The following ZNRF2 variants were observed in gnomAD, a reference collection of about 807,000 sequenced individuals.
The protein encoded by ZNRF2 is zinc and ring finger 2, also known as E3 ubiquitin-protein ligase ZNRF2.
A neutral mutation model predicts 20.4 loss-of-function variants in ZNRF2; 16 were observed. The ratio of observed to expected loss-of-function variants is 0.79; its 90% CI spans 0.53 to 1.19. The LOEUF (loss-of-function observed/expected upper bound fraction) is 1.19, where lower values mean the gene tolerates loss of function less well. Ranked by LOEUF, ZNRF2 falls within the 50% of genes most tolerant of loss-of-function variation. The probability of loss-of-function intolerance (pLI) is 0.00; values close to 1 mark genes in which losing one functional copy is unlikely to be tolerated. For missense variants in ZNRF2, 363 were observed against 332.4 expected (o/e 1.09, Z -0.72); for synonymous variants, 178 against 144.9 (o/e 1.23, Z -1.64).
chr7:30,342,048 C>CTTTT (rs755404064), intron 2 of ZNRF2, among the ~76,000 whole-genome samples: 30 of 132,674 alleles, frequency 2.3e-4, no homozygotes, highest in African/African-American at 8.0e-4. Context: ...TCAACCCCTG[C>CTTTT]TTTTTTTTTT....
chr7:30,296,651 C>T (rs1438776867), intron 1 of ZNRF2, among the ~76,000 whole-genome samples: 1 of 152,194 alleles, frequency 6.6e-6, no homozygotes, highest in East Asian at 1.9e-4. Flanking sequence ...TATCTGGTCA[C>T]CTTGAAATCT....
chr7:30,305,795 T>A (rs548299842), intron 1 of ZNRF2, among the ~76,000 whole-genome samples: 1 of 152,284 alleles, frequency 6.6e-6, no homozygotes, highest in Admixed American at 6.5e-5. Flanking sequence ...TTTGTTTAGT[T>A]TATCCTCTGG....
chr7:30,328,143 C>A (rs1018977438), intron 2 of ZNRF2, among the ~76,000 whole-genome samples: 1 of 151,874 alleles, frequency 6.6e-6, no homozygotes, highest in Non-Finnish European at 1.5e-5. Context: ...AAAGTCAGAC[C>A]CCCCCCAAAA....
chr7:30,307,316 GTTTTTTTTTGTTT>G (rs1346119127), intron 1 of ZNRF2, among the ~76,000 whole-genome samples: 2 of 68,084 alleles, frequency 2.9e-5, no homozygotes, highest in African/African-American at 1.0e-4. Context: ...TCTTTCTGCT[GTTTTTTTTTGTTT>G]TTTTTTTTTT....
chr7:30,350,394 G>C (rs1002126138), intron 2 of ZNRF2, among the ~76,000 whole-genome samples: 1 of 151,844 alleles, frequency 6.6e-6, no homozygotes, highest in Non-Finnish European at 1.5e-5. Flanking sequence ...CATGTTTAAC[G>C]ATCAATTCTT....
chr7:30,296,088 AACT>A (rs1343104600), intron 1 of ZNRF2, among the ~76,000 whole-genome samples: 16 of 152,380 alleles, frequency 1.1e-4, no homozygotes, highest in African/African-American at 3.8e-4. Context: ...TGTATTTGAT[AACT>A]ACATTATTAT....
chr7:30,289,066 T>C (rs1798848993), intron 1 of ZNRF2: 1 of 152,214 alleles, frequency 6.6e-6, no homozygotes, highest in African/African-American at 2.4e-5. Context: ...TGGACTTCTA[T>C]AATGTATCCT....
chr7:30,350,048 G>C (rs1320589958), intron 2 of ZNRF2, among the ~76,000 whole-genome samples: 3 of 151,962 alleles, frequency 2.0e-5, no homozygotes, highest in African/African-American at 7.2e-5. Flanking sequence ...ACTACTTGTG[G>C]CTTGTTAGGT....
chr7:30,321,898 G>A (rs940597227), intron 1 of ZNRF2, among the ~76,000 whole-genome samples: 1 of 151,866 alleles, frequency 6.6e-6, no homozygotes, highest in Non-Finnish European at 1.5e-5. Flanking sequence ...TTTTAGGGGT[G>A]TCTAATCTTT....
chr7:30,299,625 G>C (rs923693264), intron 1 of ZNRF2, among the ~76,000 whole-genome samples: 1 of 151,924 alleles, frequency 6.6e-6, no homozygotes, highest in Non-Finnish European at 1.5e-5. Context: ...CTTCCCAGAT[G>C]TAACTGTTAT....
At chr7:30,327,870 A>T (rs2127948139) in intron 2 of ZNRF2, among the ~76,000 whole-genome samples, 1 of 152,032 alleles carries the variant, frequency 6.6e-6, no homozygotes. Context: ...CCTGGCTTTT[A>T]TTTTTTATTT....
intron 2 of ZNRF2, among the ~76,000 whole-genome samples, chr7:30,337,670 C>A (rs1799736367): frequency 6.6e-6 from 1 of 152,104 alleles, no homozygotes; most frequent in Non-Finnish European, 1.5e-5. Context: ...AAACATGAGA[C>A]ACCCATGGAG....
intron 1 of ZNRF2, among the ~76,000 whole-genome samples, chr7:30,322,294 C>T (rs1799482824): frequency 6.6e-6 from 1 of 152,072 alleles, no homozygotes; most frequent in Non-Finnish European, 1.5e-5. Flanking sequence ...AATCTTTTTC[C>T]CAATCCTTAT....
At chr7:30,314,389 C>T (rs1195092512) in intron 1 of ZNRF2, among the ~76,000 whole-genome samples, 1 of 152,004 alleles carries the variant, frequency 6.6e-6, no homozygotes, top group African/African-American at 2.4e-5. Flanking sequence ...TCAGTGGTGG[C>T]CCACTGTTAA....
intron 2 of ZNRF2, among the ~76,000 whole-genome samples, chr7:30,334,583 A>G (rs558446108): frequency 8.6e-5 from 13 of 151,420 alleles, no homozygotes; most frequent in African/African-American, 3.2e-4. Flanking sequence ...AGAGGACTCT[A>G]TTATCTAACA....
At chr7:30,352,290 A>G (rs1376520981) in intron 2 of ZNRF2, among the ~76,000 whole-genome samples, 2 of 152,040 alleles carry the variant, frequency 1.3e-5, no homozygotes, top group Non-Finnish European at 2.9e-5. Context: ...TTTGTGAGGC[A>G]GGCATATATT....
At chr7:30,319,109 C>G (rs1347401896) in intron 1 of ZNRF2, among the ~76,000 whole-genome samples, 39 of 144,366 alleles carry the variant, frequency 2.7e-4, no homozygotes, top group Non-Finnish European at 3.1e-4. Context: ...GAAACTCCGT[C>G]TCAAAAAAAA....
At chr7:30,318,566 T>C (rs1799413684) in intron 1 of ZNRF2, among the ~76,000 whole-genome samples, 1 of 152,216 alleles carries the variant, frequency 6.6e-6, no homozygotes, top group Admixed American at 6.5e-5. Flanking sequence ...TTCCTGCCAA[T>C]TGGTGTATTC....
chr7:30,352,325 A>C (rs1422833572), intron 2 of ZNRF2, among the ~76,000 whole-genome samples: 1 of 152,022 alleles, frequency 6.6e-6, no homozygotes, highest in Non-Finnish European at 1.5e-5. Context: ...GGTGGGACTC[A>C]GGTACATATA....
Sources: gnomAD v4.1 joint callset for allele counts (sites outside exome capture counted in the v4.1 genomes callset) on GRCh38, gnomAD v4.1.1 for gene constraint, MANE v1.5 for transcripts, NCBI Gene and HGNC (gene_info 2026-07-23, HGNC 2026-07-21) for gene names.